DENND4C: variants seen among roughly 807,000 people sequenced by gnomAD.
DENND4C encodes DENN domain containing 4C.
Under a neutral mutation model 203.0 loss-of-function variants are expected in DENND4C, and 108 were observed. The observed-to-expected ratio is 0.53, with a 90% CI of 0.46 to 0.62. DENND4C has a LOEUF of 0.62. DENND4C is among the 20% of genes least tolerant of loss of function. The pLI, the probability that DENND4C is intolerant of heterozygous loss-of-function variation, is 0.00. For missense variants in DENND4C, 2,481 were observed against 2,301.2 expected (o/e 1.08, Z -1.60); for synonymous variants, 871 against 792.4 (o/e 1.10, Z -1.67).
chr9:19,282,715 C>CCCTTTT (rs1834341928), intron 2 of DENND4C, among the ~76,000 whole-genome samples: 2 of 86,638 alleles, frequency 2.3e-5, no homozygotes, highest in East Asian at 4.0e-4. Context: ...TTTCTTCTCT[C>CCCTTTT]TTTTTTTTTT....
intron 1 of DENND4C, among the ~76,000 whole-genome samples, chr9:19,235,423 A>G (rs1821687351): frequency 6.6e-6 from 1 of 152,186 alleles, no homozygotes. Flanking sequence ...TAAATTCATA[A>G]TTCTGTTAAT....
chr9:19,273,065 C>T (rs1220810944), intron 1 of DENND4C, among the ~76,000 whole-genome samples: 2 of 151,196 alleles, frequency 1.3e-5, no homozygotes, highest in Non-Finnish European at 2.9e-5. Flanking sequence ...TCTCCTGCCT[C>T]AGCCTCCAAA....
chr9:19,243,464 A>G lies in DENND4C; in HGVS notation c.-18+12631A>G, dbSNP rs550578954. ...GTATTACCACAAACTAAATGTTCCC[A>G]AACGTTTTCATCATCCTAAAAGGAA... On this transcript the variant is annotated intron_variant, in intron 1 of 32. Transcript: ENST00000434457. 2.0e-5 allele frequency among the ~76,000 whole-genome samples: 3 copies of G among 152,300 alleles called. No homozygotes were observed. In the South Asian group the frequency reaches 6.2e-4, roughly 32 times the overall value.
chr9:19,276,931 G>A (rs879852198), intron 2 of DENND4C, among the ~76,000 whole-genome samples: 23 of 151,982 alleles, frequency 1.5e-4, no homozygotes, highest in Middle Eastern at 3.4e-3. Context: ...GGCTTTCAAT[G>A]CTGGGAGGAG....
intron 10 of DENND4C, among the ~76,000 whole-genome samples, chr9:19,313,096 TC>T (rs1841067214): frequency 6.6e-6 from 1 of 152,204 alleles, no homozygotes; most frequent in African/African-American, 2.4e-5. Context: ...TCTGTTTTTT[TC>T]CCATCTACTT....
At position 19,374,207 on chromosome 9, in the gene DENND4C, TAACTTG is replaced by T. The variant is rs1401848210; in HGVS notation, c.*2039_*2044del. 2.0e-5 allele frequency among the ~76,000 whole-genome samples: 3 copies of T among 152,204 alleles called. No homozygotes were observed. Among genetic ancestry groups the T allele is most frequent in the African/African-American group, 2.4e-5 (1 of 41,460 alleles). ...TTTGTTTTTTCCATTCCTTCACTCG[TAACTTG>T]AACTCAAGTTTTCACTTACTGACGC... On this transcript the variant is annotated 3_prime_UTR_variant, in exon 33 of 33. Coordinates refer to ENST00000434457, the MANE Select transcript of DENND4C (RefSeq NM_001330640.2).
At chr9:19,239,635 C>T (rs921032321) in intron 1 of DENND4C, among the ~76,000 whole-genome samples, 1 of 152,036 alleles carries the variant, frequency 6.6e-6, no homozygotes, top group Non-Finnish European at 1.5e-5. Context: ...TACAAGCGCA[C>T]ACCACCATGC....
At chr9:19,262,274 A>G (rs1273154035) in intron 1 of DENND4C, among the ~76,000 whole-genome samples, 2 of 151,572 alleles carry the variant, frequency 1.3e-5, no homozygotes, top group Non-Finnish European at 2.9e-5. Flanking sequence ...TTTAGTAGAG[A>G]TGGGGGTTTC....
chr9:19,330,347 T>G (rs1588933650), intron 16 of DENND4C, among the ~76,000 whole-genome samples: 1 of 148,236 alleles, frequency 6.7e-6, no homozygotes. Context: ...TTTTTTTTTT[T>G]TTTTTTTTTT....
chr9:19,254,052 C>T (rs566939920), intron 1 of DENND4C, among the ~76,000 whole-genome samples: 4 of 152,202 alleles, frequency 2.6e-5, no homozygotes, highest in Non-Finnish European at 4.4e-5. Flanking sequence ...TTTTACAAGT[C>T]GTTTTATTTT....
At chr9:19,252,563 C>CA (rs1826895745) in intron 1 of DENND4C, among the ~76,000 whole-genome samples, 2 of 152,134 alleles carry the variant, frequency 1.3e-5, no homozygotes, top group African/African-American at 4.8e-5. Context: ...GCCTGAGTGA[C>CA]AGAGTGAGAT....
Position 19,336,810 on chromosome 9 carries a change from C to T in DENND4C, c.2859C>T (p.Ser953=). 6.4e-7 allele frequency: 1 copy of T among 1,550,572 alleles called. No homozygotes were observed. The highest frequency in any genetic ancestry group is 8.7e-7 in the Non-Finnish European group (1 of 1,146,928). Reference sequence around the variant, plus strand: ...TCAGAGATTTAATCAGGCTTGAGTCCATTGATAATCACTCTAGCACAGGTA... The same window carrying T: ...TCAGAGATTTAATCAGGCTTGAGTCTATTGATAATCACTCTAGCACAGGTA... ...VFVRDLIRLE[S]IDNHSSTGGQ... is the part of the protein sequence containing the mutation. Residue 953 remains serine, a synonymous_variant, in exon 20 of 33, where the codon TCC becomes TCT. Transcript: ENST00000434457.
intron 24 of DENND4C, among the ~76,000 whole-genome samples, chr9:19,351,529 C>G (rs148328820): frequency 6.6e-6 from 1 of 151,982 alleles, no homozygotes; most frequent in Non-Finnish European, 1.5e-5. Context: ...ATGTCCAAAC[C>G]GGACACAGTG....
chr9:19,327,302 G>A (rs1418192938), intron 15 of DENND4C, among the ~76,000 whole-genome samples: 3 of 151,948 alleles, frequency 2.0e-5, no homozygotes, highest in African/African-American at 7.2e-5. Context: ...AATATGTTAT[G>A]GTTTTTTGCA....
At chr9:19,369,230 G>A (rs919576756) in intron 30 of DENND4C, among the ~76,000 whole-genome samples, 3 of 152,130 alleles carry the variant, frequency 2.0e-5, no homozygotes, top group Admixed American at 2.0e-4. Context: ...TGTCATCAGG[G>A]ATCCAGGTTC....
rs543276899 is a variant in DENND4C, at chr9:19,373,861, G to A, written c.*1688G>A. Among the ~76,000 whole-genome samples the A allele has an allele frequency of 4.9e-4, 75 of 152,222 alleles. No homozygotes were observed. Among genetic ancestry groups the A allele is most frequent in the African/African-American group, 1.6e-3 (67 of 41,570 alleles). ...TAACCATTTACAAATTATAGTTATT[G>A]TACCAGTCTTTCAACATTTCAGGGT... On this transcript the variant is annotated 3_prime_UTR_variant, in exon 33 of 33. Transcript: ENST00000434457.
chr9:19,245,466 C>A (rs1442116242), intron 1 of DENND4C, among the ~76,000 whole-genome samples: 75 of 139,928 alleles, frequency 5.4e-4, no homozygotes, highest in Admixed American at 8.7e-4. Flanking sequence ...GACTCAGTCT[C>A]AAAAAAAAAA....
chr9:19,252,345 C>T (rs1438608387), intron 1 of DENND4C, among the ~76,000 whole-genome samples: 1 of 152,102 alleles, frequency 6.6e-6, no homozygotes, highest in Non-Finnish European at 1.5e-5. Context: ...CCTCCCATGA[C>T]ATGTGGGAAT....
rs139346902 is a variant in DENND4C at position 19,369,875 on chromosome 9, C to G, written c.5563C>G (p.Gln1855Glu). ...KKSSLLSEEQ[Q>E]ETSTLVETIR... ...ATCATCTCTCCTGTCAGAGGAACAA[C>G]AAGAAACAAGCACTTTAGTAGAAAC... Residue 1855 changes from glutamine to glutamate, a missense_variant, in exon 31 of 33, where the codon CAA (glutamine) becomes GAA (glutamate). By Grantham distance (29) the Gln-to-Glu change is conservative. Coordinates refer to ENST00000434457, the MANE Select transcript of DENND4C (RefSeq NM_001330640.2). 1.3e-4 allele frequency: 207 copies of G among 1,610,780 alleles called. 1 individual carries two copies. The East Asian group carries it at 3.4e-3, about 26-fold the overall frequency.
Sources: allele counts gnomAD v4.1 joint callset (sites outside exome capture counted in the v4.1 genomes callset), GRCh38; gene constraint gnomAD v4.1.1; transcripts MANE v1.5; gene names NCBI Gene and HGNC (gene_info 2026-07-23, HGNC 2026-07-21).